CFAP52: variants seen among roughly 807,000 people sequenced by gnomAD.
The protein encoded by CFAP52 is cilia- and flagella-associated protein 52.
Under a neutral mutation model 70.5 loss-of-function variants are expected in CFAP52, and 57 were observed. That is an observed-to-expected ratio of 0.81 (90% CI 0.65 to 1.01). The LOEUF is 1.01. Among genes scored for constraint, CFAP52 ranks in the 50% least tolerant of loss-of-function variants. The probability of loss-of-function intolerance (pLI) is 0.00; values close to 1 mark genes in which losing one functional copy is unlikely to be tolerated. For synonymous variants in CFAP52, 267 were observed against 292.5 expected (o/e 0.91, Z 0.89); for missense variants, 785 against 788.5 (o/e 1.00, Z 0.05).
intron 4 of CFAP52, among the ~76,000 whole-genome samples, chr17:9,597,227 A>G (rs933386812): frequency 2.0e-5 from 3 of 152,220 alleles, no homozygotes; most frequent in Non-Finnish European, 2.9e-5. Context: ...ATGTTGTCAC[A>G]AATGACAGAA....
At chr17:9,603,843 AAAAG>A (rs1051768708) in intron 6 of CFAP52, among the ~76,000 whole-genome samples, 53 of 152,216 alleles carry the variant, frequency 3.5e-4, no homozygotes, top group African/African-American at 1.2e-3. Context: ...AATTTTTAAA[AAAAG>A]AAAGCACAAT....
intron 3 of CFAP52, among the ~76,000 whole-genome samples, chr17:9,587,114 G>A (rs1402682901): frequency 2.6e-5 from 4 of 152,102 alleles, no homozygotes; most frequent in Admixed American, 6.5e-5. Flanking sequence ...GTAAGAACCT[G>A]TGGTATTTGG....
At chr17:9,640,832 C>T (rs1425594319) in intron 12 of CFAP52, among the ~76,000 whole-genome samples, 1 of 152,062 alleles carries the variant, frequency 6.6e-6, no homozygotes, top group Non-Finnish European at 1.5e-5. Flanking sequence ...TTAGTACAGA[C>T]AGGGTTTCAC....
chr17:9,626,049 G>C (rs1351119557), intron 8 of CFAP52, among the ~76,000 whole-genome samples: 1 of 152,052 alleles, frequency 6.6e-6, no homozygotes, highest in Non-Finnish European at 1.5e-5. Context: ...TGGGATTTTA[G>C]GTGGGAGAGA....
intron 6 of CFAP52, among the ~76,000 whole-genome samples, chr17:9,606,481 T>C (rs1008611891): frequency 1.3e-5 from 2 of 152,182 alleles, no homozygotes; most frequent in East Asian, 3.9e-4. Flanking sequence ...CTTCCTTAAA[T>C]GATCTCATTC....
intron 3 of CFAP52, among the ~76,000 whole-genome samples, chr17:9,589,732 CAAAA>C (rs33978485): frequency 2.4e-5 from 3 of 127,496 alleles, no homozygotes; most frequent in African/African-American, 6.3e-5. Context: ...GACTCCGTCT[CAAAA>C]AAAAAAAAAA....
downstream of CFAP52, among the ~76,000 whole-genome samples, chr17:9,644,294 G>A (rs934073428): frequency 6.6e-6 from 1 of 152,022 alleles, no homozygotes; most frequent in African/African-American, 2.4e-5. Flanking sequence ...TAGTCGAGAC[G>A]GGGTTTCACC....
chr17:9,582,685 G>A (rs555811535), intron 1 of CFAP52, among the ~76,000 whole-genome samples: 24 of 152,250 alleles, frequency 1.6e-4, no homozygotes, highest in African/African-American at 5.8e-4. Context: ...CACCCAGGCT[G>A]GAGTGCAGTG....
At chr17:9,608,497 C>T (rs1371570535) in intron 7 of CFAP52, among the ~76,000 whole-genome samples, 2 of 152,122 alleles carry the variant, frequency 1.3e-5, no homozygotes, top group African/African-American at 4.8e-5. Flanking sequence ...ACACATTGAG[C>T]CATGATGAAA....
chr17:9,630,847 G>A (rs1444935731), intron 9 of CFAP52, among the ~76,000 whole-genome samples: 2 of 149,912 alleles, frequency 1.3e-5, no homozygotes, highest in Non-Finnish European at 3.0e-5. Context: ...TTAGCCGGGC[G>A]TGGTGGCGGG....
intron 3 of CFAP52, among the ~76,000 whole-genome samples, chr17:9,593,165 T>G (rs1056096389): frequency 2.0e-5 from 3 of 152,220 alleles, no homozygotes; most frequent in Non-Finnish European, 2.9e-5. Flanking sequence ...TCATTCTTTT[T>G]CTTTAAACAC....
At position 9,633,052 on chromosome 17, in the gene CFAP52, T is replaced by G. The variant is rs757101908; in HGVS notation, c.1320+19T>G. ...AGGGGAGGTATTGAAAGCAGAAATT[T>G]GAAAAAATAACGCTCTGTTTAGAAC... On this transcript the variant is annotated intron_variant, in intron 10 of 13. Transcript: ENST00000352665. 2 of 1,609,390 alleles carry G rather than the reference T, an allele frequency of 1.2e-6. No homozygotes were observed. Among genetic ancestry groups the G allele is most frequent in the East Asian group, 4.5e-5 (2 of 44,816 alleles).
chr17:9,616,698 C>T (rs968704733), intron 8 of CFAP52, among the ~76,000 whole-genome samples: 4 of 149,160 alleles, frequency 2.7e-5, no homozygotes, highest in Admixed American at 2.7e-4. Flanking sequence ...ACCCCTGACC[C>T]CCGGGCAGCC....
intron 3 of CFAP52, among the ~76,000 whole-genome samples, chr17:9,593,782 C>T (rs1035652167): frequency 2.0e-5 from 3 of 151,968 alleles, no homozygotes; most frequent in South Asian, 2.1e-4. Context: ...CTGGCCAACA[C>T]GGTGAAACCC....
intron 3 of CFAP52, among the ~76,000 whole-genome samples, chr17:9,588,695 G>A (rs926058203): frequency 2.0e-5 from 3 of 151,830 alleles, no homozygotes; most frequent in African/African-American, 7.3e-5. Context: ...TTTGCTGTGG[G>A]TTTGTCATAT....
At chr17:9,635,705 G>T in intron 11 of CFAP52, 149 bp downstream of exon 11, 7 of 1,058,338 alleles carry the variant, frequency 6.6e-6, no homozygotes, top group Non-Finnish European at 9.5e-6. Flanking sequence ...AGCCGTTCAT[G>T]ACGGTCCATG....
chr17:9,605,779 G>A (rs528399580), intron 6 of CFAP52, among the ~76,000 whole-genome samples: 1 of 150,552 alleles, frequency 6.6e-6, no homozygotes, highest in South Asian at 2.1e-4. Context: ...AAGCACAGAG[G>A]ATGTTTTGGG....
intron 3 of CFAP52, among the ~76,000 whole-genome samples, chr17:9,593,897 G>A (rs183184917): frequency 1.3e-3 from 194 of 152,052 alleles, no homozygotes; most frequent in African/African-American, 4.3e-3. Context: ...TCCAGGAGGC[G>A]GAGGTTGCAA....
chr17:9,580,683 G>C (rs1187945342), intron 1 of CFAP52, among the ~76,000 whole-genome samples: 1 of 78,466 alleles, frequency 1.3e-5, no homozygotes, highest in African/African-American at 3.7e-5. Flanking sequence ...AGTGAGACCT[G>C]GTCTCAAAAA....
Sources: allele counts gnomAD v4.1 joint callset (sites outside exome capture counted in the v4.1 genomes callset), GRCh38; gene constraint gnomAD v4.1.1; transcripts MANE v1.5; gene names NCBI Gene and HGNC (gene_info 2026-07-23, HGNC 2026-07-21).